Variants in RALYL observed in about 807,000 individuals in gnomAD.
The protein encoded by RALYL is RNA-binding Raly-like protein.
Under a neutral mutation model 35.1 loss-of-function variants are expected in RALYL, and 29 were observed. The observed-to-expected ratio is 0.83, with a 90% CI of 0.61 to 1.13. RALYL has a LOEUF of 1.13. Ranked by LOEUF, RALYL falls within the 50% of genes most tolerant of loss-of-function variation. The pLI is 0.00. For synonymous variants in RALYL, 120 were observed against 127.6 expected, an observed-to-expected ratio of 0.94 and a Z score of 0.40; for missense variants, 359 against 360.4, an observed-to-expected ratio of 1.00 and a Z score of 0.03.
chr8:84,892,369 G>A (rs111927148), intron 8 of RALYL, among the ~76,000 whole-genome samples: 34 of 152,184 alleles, frequency 2.2e-4, no homozygotes, highest in African/African-American at 7.9e-4. Flanking sequence ...TAGCACTTTG[G>A]GAGGCTGAGG....
Position 84,363,075 on chromosome 8 carries a change from G to A in RALYL, c.-23-166224G>A, listed in dbSNP as rs183632123. 3.8e-3 allele frequency among the ~76,000 whole-genome samples: 573 copies of A among 152,244 alleles called. 4 individuals carry two copies. Among genetic ancestry groups the A allele is most frequent in the African/African-American group, 0.013 (544 of 41,558 alleles). ...GGAAAGCTGTCACCACGCTTTTGGTGATGGGCATGAAGTTATTGTAGGTGC... is the reference window on the plus strand; with the variant it reads ...GGAAAGCTGTCACCACGCTTTTGGTAATGGGCATGAAGTTATTGTAGGTGC... On this transcript the variant is annotated intron_variant, in intron 1 of 8. Transcript: ENST00000521268.
chr8:84,206,149 C>G (rs926323543), intron 1 of RALYL, among the ~76,000 whole-genome samples: 6 of 152,144 alleles, frequency 3.9e-5, no homozygotes, highest in Non-Finnish European at 5.9e-5. Context: ...AACACATGAC[C>G]TTTGTAGGGG....
intron 1 of RALYL, among the ~76,000 whole-genome samples, chr8:84,503,321 T>A (rs2056867561): frequency 8.3e-6 from 1 of 120,308 alleles, no homozygotes; most frequent in South Asian, 2.6e-4. Context: ...GCCTGGCTAA[T>A]TTTTTTTTTT....
Position 84,547,469 on chromosome 8 carries a change from C to T in RALYL, c.256+17892C>T, listed in dbSNP as rs545457947. The stretch of plus-strand genomic sequence containing the variant: ...TCAGCTCACTGCAACCTCTGCCTCC[C>T]GGGTTCAAGTGATGATTCTCCTACC... On this transcript the variant is annotated intron_variant, in intron 2 of 8. Transcript: ENST00000521268. Among the ~76,000 whole-genome samples the T allele has an allele frequency of 1.3e-3, 197 of 151,948 alleles. 8 individuals are homozygous for T. The South Asian group carries it at 0.036, about 28-fold the overall frequency.
chr8:84,608,295 G>T (rs772744715), intron 2 of RALYL, among the ~76,000 whole-genome samples: 1 of 152,104 alleles, frequency 6.6e-6, no homozygotes, highest in East Asian at 1.9e-4. Flanking sequence ...GAACTTGGAC[G>T]TATGGGCCAA....
intron 2 of RALYL, among the ~76,000 whole-genome samples, chr8:84,772,570 C>G (rs1348481021): frequency 1.3e-5 from 2 of 151,686 alleles, no homozygotes; most frequent in African/African-American, 2.4e-5. Context: ...ATAGATTACC[C>G]CTTAATACTT....
rs1310009533 is a variant in RALYL at position 84,510,974 on chromosome 8, C to A, written c.-23-18325C>A. Among the ~76,000 whole-genome samples the A allele has an allele frequency of 3.3e-5, 5 of 152,260 alleles. No individual in the cohort carries two copies. The East Asian group carries it at 7.7e-4, about 24-fold the overall frequency. ...TGAATTTTACTTATTTTGGAATATA[C>A]AATCATTTATTATAGTCATCCTGCT... is the stretch of plus-strand genomic sequence containing the variant. On this transcript the variant is annotated intron_variant, in intron 1 of 8. Transcript: ENST00000521268.
chr8:84,289,503 C>A (rs903837317), intron 1 of RALYL, among the ~76,000 whole-genome samples: 6 of 151,910 alleles, frequency 3.9e-5, no homozygotes, highest in African/African-American at 1.4e-4. Flanking sequence ...GTTTTAAAAC[C>A]AGTTGATTTG....
intron 4 of RALYL, among the ~76,000 whole-genome samples, chr8:84,836,020 A>G (rs973681909): frequency 6.6e-6 from 1 of 152,176 alleles, no homozygotes; most frequent in African/African-American, 2.4e-5. Context: ...AGCCATGGGG[A>G]CTAATTGAAG....
rs577328590 is a variant in RALYL, at chr8:84,523,756, A to G, written c.-23-5543A>G. Among the ~76,000 whole-genome samples the G allele has an allele frequency of 6.9e-4, 102 of 148,258 alleles. 1 individual carries two copies. The Middle Eastern group carries it at 0.01, about 15-fold the overall frequency. ...GTTCAATTCCCACCTGTGAGTTAGAATATGCGGTGTTTGGTTTTTTGTTCT... is the reference window on the plus strand; with the variant it reads ...GTTCAATTCCCACCTGTGAGTTAGAGTATGCGGTGTTTGGTTTTTTGTTCT... On this transcript the variant is annotated intron_variant, in intron 1 of 8. Transcript: ENST00000521268.
intron 2 of RALYL, among the ~76,000 whole-genome samples, chr8:84,612,611 G>T (rs143942435): frequency 4.0e-5 from 6 of 150,300 alleles, no homozygotes; most frequent in Non-Finnish European, 7.4e-5. Flanking sequence ...CCTTTCCGGA[G>T]ATAATACGAT....
rs945137879 is a variant in RALYL, at chr8:84,747,349, T to C, written c.257-27230T>C. Among the ~76,000 whole-genome samples the C allele has an allele frequency of 4.5e-4, 68 of 151,996 alleles. 1 individual carries two copies. Among genetic ancestry groups the C allele is most frequent in the Admixed American group, 4.0e-3 (61 of 15,238 alleles). On this transcript the variant is annotated intron_variant, in intron 2 of 8. Transcript: ENST00000521268. ...AAATATTTAGATTCATCTTACATGA[T>C]TTTTTAAAACCAATTTATACATTAG...
intron 1 of RALYL, among the ~76,000 whole-genome samples, chr8:84,275,566 A>G (rs926775047): frequency 2.0e-5 from 3 of 151,916 alleles, no homozygotes; most frequent in East Asian, 1.9e-4. Context: ...TCCACTGATC[A>G]TTTTTCAAGA....
chr8:84,254,300 G>A (rs534887561), intron 1 of RALYL, among the ~76,000 whole-genome samples: 11 of 152,206 alleles, frequency 7.2e-5, no homozygotes, highest in East Asian at 1.9e-4. Context: ...AATATTAAAT[G>A]TACTTGTTCA....
At chr8:84,836,265 G>T (rs149802498) in intron 4 of RALYL, among the ~76,000 whole-genome samples, 3 of 152,026 alleles carry the variant, frequency 2.0e-5, no homozygotes, top group Admixed American at 1.3e-4. Flanking sequence ...TCCTTTAAAT[G>T]TGTGAGACAG....
intron 2 of RALYL, among the ~76,000 whole-genome samples, chr8:84,639,276 A>G (rs1825822350): frequency 6.6e-6 from 1 of 151,918 alleles, no homozygotes; most frequent in Non-Finnish European, 1.5e-5. Flanking sequence ...ATAGAGAAAA[A>G]GAAAAACCAT....
chr8:84,844,099 G>A (rs371364156), intron 4 of RALYL, among the ~76,000 whole-genome samples: 23 of 152,068 alleles, frequency 1.5e-4, no homozygotes, highest in Admixed American at 1.1e-3. Flanking sequence ...AATGGCAACA[G>A]AAGCCAAAAT....
At chr8:84,693,417 G>A (rs1197693622) in intron 2 of RALYL, among the ~76,000 whole-genome samples, 1 of 151,906 alleles carries the variant, frequency 6.6e-6, no homozygotes, top group African/African-American at 2.4e-5. Context: ...CAGATCTCAT[G>A]AGAACTCACT....
intron 1 of RALYL, among the ~76,000 whole-genome samples, chr8:84,380,987 G>A (rs778946538): frequency 5.3e-5 from 8 of 151,828 alleles, no homozygotes; most frequent in Non-Finnish European, 8.8e-5. Flanking sequence ...AGGTCCACCA[G>A]TGCACCAAGA....
Sources: allele counts gnomAD v4.1 joint callset (sites outside exome capture counted in the v4.1 genomes callset), GRCh38; gene constraint gnomAD v4.1.1; transcripts MANE v1.5; gene names NCBI Gene and HGNC (gene_info 2026-07-23, HGNC 2026-07-21).